The following MORN4 variants were observed in gnomAD, a reference collection of about 807,000 sequenced individuals.
The protein encoded by MORN4 is MORN repeat-containing protein 4.
In MORN4, 8 loss-of-function variants were observed where a neutral mutation model predicts 16.4. That is an observed-to-expected ratio of 0.49 (90% CI 0.29 to 0.88). The LOEUF is 0.88. Among genes scored for constraint, MORN4 ranks in the 40% least tolerant of loss-of-function variants. MORN4 has a pLI of 0.09. For synonymous variants in MORN4, 53 were observed against 68.9 expected, an observed-to-expected ratio of 0.77 and a Z score of 1.14; for missense variants, 159 against 182.9, an observed-to-expected ratio of 0.87 and a Z score of 0.75.
At chr10:97,623,884 C>T (rs570156833) in intron 1 of MORN4, among the ~76,000 whole-genome samples, 4 of 152,082 alleles carry the variant, frequency 2.6e-5, no homozygotes, top group Admixed American at 2.6e-4. Context: ...TACAGGTGCC[C>T]ACCACGACGC....
intron 1 of MORN4, among the ~76,000 whole-genome samples, chr10:97,632,977 C>T (rs892979233): frequency 2.6e-5 from 4 of 152,152 alleles, no homozygotes; most frequent in Admixed American, 6.6e-5. Context: ...GAAAACAAAG[C>T]CCTAGACCAC....
Position 97,617,219 on chromosome 10 carries a change from T to C in MORN4, c.171A>G (p.Ser57=), listed in dbSNP as rs780168078. The C allele has an allele frequency of 1.2e-6, 2 of 1,613,906 alleles. No individual in the cohort carries two copies. The highest frequency in any genetic ancestry group is 4.5e-5 in the East Asian group (2 of 44,884). ...LFNGFGVLTF[S]DGSRYEGEFA... ...GACCTCATACCCACCTTGAACCATC[T>C]GAGAAGGTCAATACCCCAAAGCCAT... is the stretch of plus-strand genomic sequence containing the variant. The change falls in exon 3 of 5, where the codon TCA becomes TCG. Residue 57 remains serine (S), a synonymous_variant. Coordinates refer to ENST00000307450, the MANE Select transcript of MORN4 (RefSeq NM_178832.4).
intron 1 of MORN4, among the ~76,000 whole-genome samples, chr10:97,632,703 AT>A (rs552637866): frequency 0.032 from 4,547 of 142,878 alleles, 107 homozygotes; most frequent in African/African-American, 0.071. Context: ...CGCCAAAAAG[AT>A]TTTTTTTTTT....
At chr10:97,622,129 C>A (rs1419660561) in intron 1 of MORN4, among the ~76,000 whole-genome samples, 2 of 152,134 alleles carry the variant, frequency 1.3e-5, no homozygotes, top group Non-Finnish European at 2.9e-5. Context: ...AAGAACTGCC[C>A]TTCTGAGCCC....
At chr10:97,624,387 C>T (rs2041330530) in intron 1 of MORN4, among the ~76,000 whole-genome samples, 1 of 152,084 alleles carries the variant, frequency 6.6e-6, no homozygotes, top group African/African-American at 2.4e-5. Context: ...ATTTACTGAC[C>T]TCTTACTGTG....
chr10:97,619,666 C>T lies in MORN4; in HGVS notation c.-13G>A. On this transcript the variant is annotated 5_prime_UTR_variant, in exon 2 of 5. Coordinates refer to ENST00000307450, the MANE Select transcript of MORN4 (RefSeq NM_178832.4). ...TTGTCAGGGTCATGGTGACAGATTA[C>T]AGGATAAAAGGATGAAACTGTAGGA... The T allele has an allele frequency of 1.2e-6, 2 of 1,613,596 alleles. No individual in the cohort carries two copies. The highest frequency in any genetic ancestry group is 8.5e-7 in the Non-Finnish European group (1 of 1,179,564).
rs1228477365 is a variant in MORN4 at position 97,633,344 on chromosome 10, A to C, written c.-31+3T>G. ...CCCCCTCCCTCCTGCGCCTCCAGCC[A>C]ACCTGGGGCCGGCCTTTCGGGATGA... is the stretch of plus-strand genomic sequence containing the variant. On this transcript the variant is annotated splice_donor_region_variant and intron_variant, in intron 1 of 4. Transcript: ENST00000307450. This position sits in a 1 kb window ranked among gnomAD's most constrained non-coding sequence, Gnocchi z 4.5. 7.8e-7 allele frequency: 1 copy of C among 1,289,570 alleles called. No individual in the cohort carries two copies. The highest frequency in any genetic ancestry group is 2.3e-5 in the Admixed American group (1 of 43,550). The allele number at this position is 1,289,570 out of a possible 1,614,324, so 79.9% of individuals were successfully genotyped here. A position where few individuals can be genotyped will look rare whatever the true frequency, so the allele number is the denominator to read the frequency against.
chr10:97,616,751 G>A lies in MORN4; in HGVS notation c.219C>T (p.Gly73=), dbSNP rs139538825. ...TGTCATATCGAATGAAGACTCCGAC[G>A]CCATTAAACTTGCCCTGGGCAAACT... The part of the protein sequence containing the change: ...EGEFAQGKFN[G]VGVFIRYDNM... Residue 73 remains glycine, a synonymous_variant, in exon 4 of 5, where the codon GGC becomes GGT. Coordinates refer to ENST00000307450, the MANE Select transcript of MORN4 (RefSeq NM_178832.4). 8.7e-6 allele frequency: 14 copies of A among 1,614,018 alleles called. No individual in the cohort carries two copies. The highest frequency in any genetic ancestry group is 5.0e-5 in the Admixed American group (3 of 60,018).
At chr10:97,617,991 A>C (rs921563360) in intron 2 of MORN4, among the ~76,000 whole-genome samples, 17 of 152,014 alleles carry the variant, frequency 1.1e-4, no homozygotes, top group African/African-American at 4.1e-4. Flanking sequence ...CCTGGCTAAC[A>C]TGGTGAAACC....
chr10:97,617,241 C>G lies in MORN4; in HGVS notation c.149G>C (p.Gly50Ala). Residue 50 changes from glycine (G) to alanine (A), a missense_variant, in exon 3 of 5, where the codon GGC becomes GCC. Coordinates refer to ENST00000307450, the MANE Select transcript of MORN4 (RefSeq NM_178832.4). ...LGHFENGLFNGFGVLTFSDGS... is the reference protein window; with the variant it reads ...LGHFENGLFNAFGVLTFSDGS... Reference sequence around the variant, plus strand: ...ATCTGAGAAGGTCAATACCCCAAAGCCATTAAAGAGCCCATTCTCAAAATG... The same window carrying G: ...ATCTGAGAAGGTCAATACCCCAAAGGCATTAAAGAGCCCATTCTCAAAATG... 1 of 1,614,130 alleles carries G rather than the reference C, an allele frequency of 6.2e-7. No individual in the cohort carries two copies. Among genetic ancestry groups the G allele is most frequent in the Non-Finnish European group, 8.5e-7 (1 of 1,180,002 alleles).
At position 97,629,340 on chromosome 10, in the gene MORN4, C is replaced by G. The variant is rs191798844; in HGVS notation, c.-31+4007G>C. ...GGCGGAGGTTGAAGTGAGCCAAGAT[C>G]GCGCCATTGCACTCCAGCCTGGGCA... is the stretch of plus-strand genomic sequence containing the variant. On this transcript the variant is annotated intron_variant, in intron 1 of 4. Transcript: ENST00000307450. Among the ~76,000 whole-genome samples the G allele has an allele frequency of 2.4e-4, 37 of 152,296 alleles. 1 individual carries two copies. In the East Asian group the frequency reaches 6.8e-3, roughly 28 times the overall value.
rs758719010 is a variant in MORN4 at position 97,617,208 on chromosome 10, C to T, written c.182G>A (p.Arg61Lys). ...FGVLTFSDGS[R>K]YEGEFAQGKF... is the part of the protein sequence containing the mutation. ...AAGAAAGGAATGACCTCATACCCAC[C>T]TTGAACCATCTGAGAAGGTCAATAC... The change falls in exon 3 of 5, where the codon AGG becomes AAG. Residue 61 changes from arginine (R) to lysine (K), a missense_variant and splice_region_variant. Arg to Lys is a conservative substitution (Grantham distance 26). Transcript: ENST00000307450. 2.5e-6 allele frequency: 4 copies of T among 1,612,782 alleles called. No individual in the cohort carries two copies. In the South Asian group the frequency reaches 4.4e-5, roughly 18 times the overall value.
chr10:97,632,236 T>TC (rs2041403072), intron 1 of MORN4, among the ~76,000 whole-genome samples: 1 of 141,194 alleles, frequency 7.1e-6, no homozygotes, highest in Non-Finnish European at 1.6e-5. Context: ...TTTTTTTTTT[T>TC]GAGACGGAGT....
chr10:97,631,945 AAAG>A (rs138656850), intron 1 of MORN4, among the ~76,000 whole-genome samples: 13,229 of 149,630 alleles, frequency 0.088, 697 homozygotes, highest in African/African-American at 0.15. Context: ...GTCTCAAAAA[AAAG>A]AAAAGAAAAG....
upstream of MORN4, chr10:97,633,657 A>T: frequency 7.9e-7 from 1 of 1,267,946 alleles, no homozygotes; most frequent in Non-Finnish European, 1.0e-6. This position sits in a 1 kb window ranked among gnomAD's most constrained non-coding sequence, Gnocchi z 4.5. Flanking sequence ...CACCTCTGCA[A>T]CGCAGATAAA....
chr10:97,628,083 A>C (rs10882970), intron 1 of MORN4, among the ~76,000 whole-genome samples: 27,839 of 152,216 alleles, frequency 0.18, 2,676 homozygotes, highest in Non-Finnish European at 0.21. Flanking sequence ...GAACTAAGTT[A>C]CAGCACTAAA....
At position 97,616,216 on chromosome 10, in the gene MORN4, G is replaced by A. The variant is rs371585677; in HGVS notation, c.*47C>T. On this transcript the variant is annotated 3_prime_UTR_variant, in exon 5 of 5. Transcript: ENST00000307450. Reference sequence around the variant, plus strand: ...TTTGTTCACCTCGAATCAACAACAGGGGCACTGGCTTTACCCAATACTTAT... The same window carrying A: ...TTTGTTCACCTCGAATCAACAACAGAGGCACTGGCTTTACCCAATACTTAT... 4.3e-4 allele frequency: 636 copies of A among 1,492,766 alleles called. No individual in the cohort carries two copies. Among genetic ancestry groups the A allele is most frequent in the Non-Finnish European group, 5.5e-4 (612 of 1,120,164 alleles). 92.5% of individuals were successfully genotyped at this position (1,492,766 alleles called of 1,614,324 possible).
chr10:97,622,334 T>C lies in MORN4; in HGVS notation c.-30-2651A>G, dbSNP rs750300146. On this transcript the variant is annotated intron_variant, in intron 1 of 4. Coordinates refer to ENST00000307450, the MANE Select transcript of MORN4 (RefSeq NM_178832.4). The stretch of plus-strand genomic sequence containing the variant: ...CATCATAGGAAAACAATCAGTAACA[T>C]TTGGGGACTGGCTAGATATGGCTTC... Among the ~76,000 whole-genome samples, 30 of 152,064 alleles carry C rather than the reference T, an allele frequency of 2.0e-4. No individual in the cohort carries two copies. The Middle Eastern group carries it at 0.01, about 52-fold the overall frequency.
intron 1 of MORN4, among the ~76,000 whole-genome samples, chr10:97,628,488 C>T (rs929403206): frequency 3.3e-5 from 5 of 151,922 alleles, no homozygotes; most frequent in African/African-American, 7.3e-5. Flanking sequence ...GGGTTATTTA[C>T]GGACAAAGTA....
Sources: gnomAD v4.1 joint callset for allele counts (sites outside exome capture counted in the v4.1 genomes callset) on GRCh38, gnomAD v4.1.1 for gene constraint, Gnocchi (gnomAD v3.1) non-coding constraint, MANE v1.5 for transcripts, NCBI Gene and HGNC (gene_info 2026-07-23, HGNC 2026-07-21) for gene names.